RIMS2: variants seen among roughly 807,000 people sequenced by gnomAD.
The protein encoded by RIMS2 is regulating synaptic membrane exocytosis 2, also known as regulating synaptic membrane exocytosis protein 2.
A neutral mutation model predicts 174.4 loss-of-function variants in RIMS2; 59 were observed. The ratio of observed to expected loss-of-function variants is 0.34; its 90% CI spans 0.27 to 0.42. The LOEUF (loss-of-function observed/expected upper bound fraction) is 0.42. RIMS2 is among the 10% of genes least tolerant of loss of function. The pLI, the probability that RIMS2 is intolerant of heterozygous loss-of-function variation, is 1.00. For synonymous variants in RIMS2, 606 were observed against 572.5 expected, an observed-to-expected ratio of 1.06 and a Z score of -0.84; for missense variants, 1,620 against 1,666.3, an observed-to-expected ratio of 0.97 and a Z score of 0.48.
intron 19 of RIMS2, among the ~76,000 whole-genome samples, chr8:104,022,074 A>G (rs1214321761): frequency 6.6e-6 from 1 of 152,154 alleles, no homozygotes; most frequent in African/African-American, 2.4e-5. Context: ...ATATCTCAAA[A>G]GACCATATTA....
At chr8:103,915,829 A>C (rs1392891804) in intron 7 of RIMS2, among the ~76,000 whole-genome samples, 4 of 152,028 alleles carry the variant, frequency 2.6e-5, no homozygotes, top group African/African-American at 9.6e-5. Context: ...ATCTGTATCT[A>C]ATATTAACCT....
Position 103,702,087 on chromosome 8 carries a change from T to G in RIMS2, c.387+4791T>G, listed in dbSNP as rs1344474102. On this transcript the variant is annotated intron_variant, in intron 2 of 23. Coordinates refer to ENST00000504942, the Ensembl canonical transcript of RIMS2. ...CAAGTGTTCACCTTTCTCTGCATCCTTGTTAACATTTGTTATTTTCTTTTT... is the reference window on the plus strand; with the variant it reads ...CAAGTGTTCACCTTTCTCTGCATCCGTGTTAACATTTGTTATTTTCTTTTT... Among the ~76,000 whole-genome samples the G allele has an allele frequency of 3.3e-5, 5 of 152,144 alleles. No homozygotes were observed. The East Asian group carries it at 5.8e-4, about 18-fold the overall frequency.
chr8:103,804,178 A>G (rs1378770434), intron 3 of RIMS2, among the ~76,000 whole-genome samples: 3 of 152,198 alleles, frequency 2.0e-5, no homozygotes, highest in Non-Finnish European at 4.4e-5. Context: ...ATTATTGTCT[A>G]ACTTAGTGGA....
At chr8:103,635,978 C>T (rs2096065682) in intron 1 of RIMS2, among the ~76,000 whole-genome samples, 2 of 151,894 alleles carry the variant, frequency 1.3e-5, no homozygotes, top group Non-Finnish European at 2.9e-5. Context: ...ATCAGGTACT[C>T]CCTTAAAGCA....
At chr8:103,728,478 G>T (rs2097549944) in intron 2 of RIMS2, among the ~76,000 whole-genome samples, 1 of 152,024 alleles carries the variant, frequency 6.6e-6, no homozygotes, top group Admixed American at 6.6e-5. Context: ...GAATAACAGT[G>T]GTGGAAGTGG....
chr8:103,956,489 A>T (rs1021696648), intron 14 of RIMS2, among the ~76,000 whole-genome samples: 1 of 152,334 alleles, frequency 6.6e-6, no homozygotes, highest in East Asian at 1.9e-4. Context: ...TGACAAAAAC[A>T]AGCAATGGGA....
At chr8:103,689,022 G>A (rs1055370012) in intron 1 of RIMS2, among the ~76,000 whole-genome samples, 10 of 151,860 alleles carry the variant, frequency 6.6e-5, no homozygotes, top group Non-Finnish European at 1.3e-4. Flanking sequence ...TGCCCATGCT[G>A]CATCACATAT....
intron 2 of RIMS2, among the ~76,000 whole-genome samples, chr8:103,753,209 T>C (rs1182633068): frequency 6.6e-6 from 1 of 152,180 alleles, no homozygotes; most frequent in Non-Finnish European, 1.5e-5. Flanking sequence ...GTTTTTGTCT[T>C]TGGTTCTGTT....
intron 19 of RIMS2, among the ~76,000 whole-genome samples, chr8:104,235,679 T>A (rs531801361): frequency 1.3e-5 from 2 of 152,072 alleles, no homozygotes; most frequent in African/African-American, 4.8e-5. Flanking sequence ...TGCATTCACA[T>A]ACATACACCA....
chr8:104,103,806 C>CA (rs1460473203), intron 19 of RIMS2, among the ~76,000 whole-genome samples: 7 of 151,960 alleles, frequency 4.6e-5, no homozygotes, highest in Admixed American at 3.3e-4. Flanking sequence ...ATATTATTCT[C>CA]AAAAATTTAG....
At chr8:103,799,746 A>G (rs920874721) in intron 3 of RIMS2, among the ~76,000 whole-genome samples, 1 of 152,178 alleles carries the variant, frequency 6.6e-6, no homozygotes, top group Non-Finnish European at 1.5e-5. Flanking sequence ...TTGGATTGCC[A>G]TTACTATGAA....
At chr8:103,659,022 T>A (rs1417318430) in intron 1 of RIMS2, among the ~76,000 whole-genome samples, 1 of 152,240 alleles carries the variant, frequency 6.6e-6, no homozygotes. Flanking sequence ...TTTTGAAGGC[T>A]AATGCTGATA....
chr8:103,585,937 G>A (rs1270215878), intron 1 of RIMS2, among the ~76,000 whole-genome samples: 2 of 149,088 alleles, frequency 1.3e-5, no homozygotes, highest in Non-Finnish European at 3.0e-5. Flanking sequence ...AAAAGAGCAG[G>A]AGTCCCTATT....
chr8:103,780,199 T>C (rs2098372527), intron 3 of RIMS2, among the ~76,000 whole-genome samples: 1 of 152,186 alleles, frequency 6.6e-6, no homozygotes, highest in African/African-American at 2.4e-5. Flanking sequence ...CTTTGAGGAT[T>C]TGATTATTAG....
chr8:103,519,283 A>G (rs1487100079), intron 1 of RIMS2, among the ~76,000 whole-genome samples: 1 of 152,122 alleles, frequency 6.6e-6, no homozygotes, highest in Non-Finnish European at 1.5e-5. Context: ...AGACAACATT[A>G]AAGACATAAA....
intron 1 of RIMS2, among the ~76,000 whole-genome samples, chr8:103,626,084 A>G (rs1355656310): frequency 6.6e-6 from 1 of 152,134 alleles, no homozygotes; most frequent in Non-Finnish European, 1.5e-5. Flanking sequence ...AGTGAATTAT[A>G]AATTTCTTTA....
intron 19 of RIMS2, among the ~76,000 whole-genome samples, chr8:104,212,703 T>C (rs2099110788): frequency 6.6e-6 from 1 of 152,212 alleles, no homozygotes; most frequent in Admixed American, 6.5e-5. Flanking sequence ...ATTTGTGTAC[T>C]TCACTAATTA....
chr8:103,620,492 T>A (rs1470832218), intron 1 of RIMS2, among the ~76,000 whole-genome samples: 1 of 152,166 alleles, frequency 6.6e-6, no homozygotes, highest in Non-Finnish European at 1.5e-5. Flanking sequence ...CATTATTAGT[T>A]TGGGGTGAAA....
At chr8:103,949,765 A>G (rs2084866360) in intron 14 of RIMS2, among the ~76,000 whole-genome samples, 1 of 152,170 alleles carries the variant, frequency 6.6e-6, no homozygotes, top group Non-Finnish European at 1.5e-5. Flanking sequence ...CAAATTAAGT[A>G]GAAGAAAGGG....
Sources: gnomAD v4.1 joint callset for allele counts (sites outside exome capture counted in the v4.1 genomes callset) on GRCh38, gnomAD v4.1.1 for gene constraint, MANE v1.5 for transcripts, NCBI Gene and HGNC (gene_info 2026-07-23, HGNC 2026-07-21) for gene names.